STRC: variants seen among roughly 807,000 people sequenced by gnomAD.
The protein encoded by STRC is stereocilin.
STRC carries 43 observed loss-of-function variants against 103.5 expected under a neutral mutation model. That is an observed-to-expected ratio of 0.42 (90% CI 0.33 to 0.54). The LOEUF is 0.54. Ranked by LOEUF, STRC falls within the 20% of genes least tolerant of loss-of-function variation. STRC has a pLI of 0.14. For missense variants in STRC, 499 were observed against 1,088.5 expected (o/e 0.46, Z 7.62); for synonymous variants, 186 against 442.3 (o/e 0.42, Z 7.27).
Position 43,603,320 on chromosome 15 carries a change from C to A in STRC, c.4467G>T (p.Glu1489Asp). ...QIAEMELSDFEDCLTLFAGDP... is the reference protein window; with the variant it reads ...QIAEMELSDFDDCLTLFAGDP... ...CTCCTGCAAATAATGTCAGGCAGTCCTCAAAGTCTGAGAGCTCCATCTCTG... is the reference window on the plus strand; with the variant it reads ...CTCCTGCAAATAATGTCAGGCAGTCATCAAAGTCTGAGAGCTCCATCTCTG... The change falls in exon 23 of 29, where the codon GAG becomes GAT. Residue 1489 changes from glutamate (E) to aspartate (D), a missense_variant. Coordinates refer to ENST00000450892, the MANE Select transcript of STRC (RefSeq NM_153700.2). 6.2e-7 allele frequency: 1 copy of A among 1,613,866 alleles called. No individual in the cohort carries two copies. Among genetic ancestry groups the A allele is most frequent in the Non-Finnish European group, 8.5e-7 (1 of 1,179,894 alleles).
Position 43,607,879 on chromosome 15 carries a change from G to GC in STRC, c.3777dup (p.Leu1260AlafsTer16). 1 of 1,594,566 alleles carries GC rather than the reference G, an allele frequency of 6.3e-7. No individual in the cohort carries two copies. Among genetic ancestry groups the GC allele is most frequent in the South Asian group, 1.1e-5 (1 of 90,568 alleles). On this transcript the variant is annotated frameshift_variant, in exon 18 of 29. Transcript: ENST00000450892. LOFTEE classifies it high-confidence loss of function. ...AGTACTTACGGTAAGTCCAGGAGTAGCTTGCTATCCAGCCCGTTCAGTTCT... is the reference window on the plus strand; with the variant it reads ...AGTACTTACGGTAAGTCCAGGAGTAGCCTTGCTATCCAGCCCGTTCAGTTCT...
intron 22 of STRC, chr15:43,603,621 G>A: frequency 1.5e-6 from 1 of 660,506 alleles, no homozygotes; most frequent in Non-Finnish European, 2.6e-6. Flanking sequence ...ATAGATGGAA[G>A]ACTGAGGATG....
chr15:43,604,956 G>A (rs2085701487), intron 19 of STRC, 110 bp from the exon 20 acceptor site: 1 of 1,479,272 alleles, frequency 6.8e-7, no homozygotes. Context: ...TCCCAGCTCA[G>A]CACCCTATGA....
At position 43,609,340 on chromosome 15, in the gene STRC, A is replaced by G. The variant is rs750888970; in HGVS notation, c.3499-6T>C. Reference sequence around the variant, plus strand: ...TTCTTCCAGAGAAACTGTGCCTACAAGAGAAAGAAAGACGAGCCCCTTCCC... The same window carrying G: ...TTCTTCCAGAGAAACTGTGCCTACAGGAGAAAGAAAGACGAGCCCCTTCCC... On this transcript the variant is annotated splice_polypyrimidine_tract_variant and splice_region_variant and intron_variant, in intron 15 of 28. Transcript: ENST00000450892. 1 of 1,607,368 alleles carries G rather than the reference A, an allele frequency of 6.2e-7. No homozygotes were observed. The highest frequency in any genetic ancestry group is 8.5e-7 in the Non-Finnish European group (1 of 1,178,194).
chr15:43,601,608 G>T, intron 23 of STRC, 57 bp from the exon 24 acceptor site: 2 of 1,590,766 alleles, frequency 1.3e-6, no homozygotes, highest in Non-Finnish European at 1.7e-6. Flanking sequence ...GAGTCATACT[G>T]CTGGGTTTTA....
intron 15 of STRC, 188 bp from the exon 16 acceptor site, chr15:43,609,522 G>A (rs560755860): frequency 4.8e-6 from 3 of 625,322 alleles, no homozygotes; most frequent in Non-Finnish European, 5.7e-6. Context: ...GAAAAGGGAA[G>A]GAGAAAGAAA....
intron 19 of STRC, 48 bp from the exon 20 acceptor site, chr15:43,604,894 A>G (rs1214652872): frequency 7.6e-6 from 12 of 1,569,244 alleles, no homozygotes; most frequent in Non-Finnish European, 1.0e-5. Flanking sequence ...GACTCAGAAT[A>G]CCAGACACCT....
intron 23 of STRC, chr15:43,602,785 C>T (rs570528593): frequency 4.8e-6 from 1 of 206,528 alleles, no homozygotes; most frequent in Middle Eastern, 2.2e-3. Context: ...GCTGGGACAA[C>T]AAGTGTGCAC....
chr15:43,606,755 G>A (rs1179664024), intron 18 of STRC, among the ~76,000 whole-genome samples: 1 of 123,682 alleles, frequency 8.1e-6, no homozygotes, highest in Non-Finnish European at 1.7e-5. Flanking sequence ...ATATAAGAAT[G>A]TTGGGAAGCC....
At chr15:43,600,815 C>A in intron 25 of STRC, 57 bp downstream of exon 25, 1 of 1,613,598 alleles carries the variant, frequency 6.2e-7, no homozygotes, top group Non-Finnish European at 8.5e-7. Context: ...ATCCTTCTTT[C>A]CCCAGTAAGT....
chr15:43,602,268 C>T (rs1222817195), intron 23 of STRC, among the ~76,000 whole-genome samples: 1 of 151,892 alleles, frequency 6.6e-6, no homozygotes, highest in African/African-American at 2.4e-5. Flanking sequence ...GCACCCTCCA[C>T]CTCCTGCACT....
rs1309184709 is a variant in STRC, at chr15:43,600,865, A to G, written c.4844+7T>C. 3 of 1,613,508 alleles carry G rather than the reference A, an allele frequency of 1.9e-6. No homozygotes were observed. The highest frequency in any genetic ancestry group is 2.7e-5 in the African/African-American group (2 of 74,780). ...GCACCACCACCCTCAGCCCCTTCAC[A>G]AATGACCTGAACTCCCAACTGCTGA... On this transcript the variant is annotated splice_region_variant and intron_variant, in intron 25 of 28. Transcript: ENST00000450892.
In STRC at chr15:43,601,431, T is replaced by G; in HGVS notation, c.4666A>C (p.Thr1556Pro). 6.2e-7 allele frequency: 1 copy of G among 1,613,668 alleles called. No individual in the cohort carries two copies. Among genetic ancestry groups the G allele is most frequent in the Non-Finnish European group, 8.5e-7 (1 of 1,179,834 alleles). Residue 1556 changes from threonine (T) to proline (P), a missense_variant, in exon 24 of 29, where the codon ACC becomes CCC. Coordinates refer to ENST00000450892, the MANE Select transcript of STRC (RefSeq NM_153700.2). ...CTCCAGCCATCTATCTGCCCCAGGG[T>G]GCTCAGCACTCCCCAGTCCACTAGG... ...LILVDWGVLS[T>P]LGQIDGWSTT...
intron 11 of STRC, 62 bp downstream of exon 11, chr15:43,611,780 T>A: frequency 6.1e-6 from 1 of 163,244 alleles, no homozygotes; most frequent in South Asian, 3.5e-5. Context: ...CTGAATGGGA[T>A]TCTCTTGACT....
intron 18 of STRC, 75 bp from the exon 19 acceptor site, chr15:43,605,474 A>C: frequency 6.4e-7 from 1 of 1,552,274 alleles, no homozygotes; most frequent in Non-Finnish European, 8.7e-7. Flanking sequence ...AAAACCCCAC[A>C]GTCCGCAGCT....
chr15:43,601,600 GT>G (rs774422769), intron 23 of STRC, 49 bp from the exon 24 acceptor site: 3 of 1,595,078 alleles, frequency 1.9e-6, no homozygotes, highest in Non-Finnish European at 2.6e-6. Flanking sequence ...TGGATTGGGA[GT>G]CATACTGCTG....
intron 23 of STRC, among the ~76,000 whole-genome samples, chr15:43,602,293 A>G (rs1340003137): frequency 6.6e-6 from 1 of 151,576 alleles, no homozygotes; most frequent in Non-Finnish European, 1.5e-5. Context: ...GGATTCTCCT[A>G]CCCCAGCCTC....
intron 15 of STRC, 123 bp from the exon 16 acceptor site, chr15:43,609,457 G>A: frequency 2.4e-6 from 2 of 819,532 alleles, no homozygotes; most frequent in Non-Finnish European, 4.1e-6. Flanking sequence ...GGACCCACCA[G>A]CCTCCCACTC....
At position 43,599,959 on chromosome 15, in the gene STRC, C is replaced by T; in HGVS notation, c.5239+1G>A. 1.3e-6 allele frequency: 2 copies of T among 1,494,102 alleles called. No individual in the cohort carries two copies. The highest frequency in any genetic ancestry group is 1.8e-6 in the Non-Finnish European group (2 of 1,093,160). 92.6% of individuals were successfully genotyped at this position (1,494,102 alleles called of 1,614,324 possible). Reference sequence around the variant, plus strand: ...ATCAAGCTGTGCAGCTGGGAACTCACCTTGCTGTTCTGGGCTCTCCTTTCC... The same window carrying T: ...ATCAAGCTGTGCAGCTGGGAACTCATCTTGCTGTTCTGGGCTCTCCTTTCC... On this transcript the variant is annotated splice_donor_variant, in intron 28 of 28. Transcript: ENST00000450892. LOFTEE classifies it high-confidence loss of function.
Sources: gnomAD v4.1 joint callset for allele counts (sites outside exome capture counted in the v4.1 genomes callset) on GRCh38, gnomAD v4.1.1 for gene constraint, MANE v1.5 for transcripts, NCBI Gene and HGNC (gene_info 2026-07-23, HGNC 2026-07-21) for gene names.